Variants in MAST4 observed in about 807,000 individuals in gnomAD.
MAST4 encodes microtubule-associated serine/threonine-protein kinase 4.
A neutral mutation model predicts 162.7 loss-of-function variants in MAST4; 89 were observed. The ratio of observed to expected loss-of-function variants is 0.55; its 90% CI spans 0.46 to 0.65. MAST4 has a LOEUF of 0.65. Among genes scored for constraint, MAST4 ranks in the 30% least tolerant of loss-of-function variants. The pLI is 0.00. For synonymous variants in MAST4, 1,479 were observed against 1,361.1 expected (o/e 1.09, Z -1.91); for missense variants, 3,153 against 3,374.0 (o/e 0.93, Z 1.62).
At chr5:66,741,605 T>C (rs1752479990) in intron 1 of MAST4, among the ~76,000 whole-genome samples, 1 of 152,112 alleles carries the variant, frequency 6.6e-6, no homozygotes, top group Admixed American at 6.5e-5. Context: ...ACAGTGAAGG[T>C]CAGGAATGTA....
At chr5:67,107,434 T>A (rs906166163) in intron 10 of MAST4, among the ~76,000 whole-genome samples, 1 of 152,244 alleles carries the variant, frequency 6.6e-6, no homozygotes, top group Non-Finnish European at 1.5e-5. Flanking sequence ...TGGGCATAAA[T>A]AAGAATGGTT....
chr5:66,727,711 G>T (rs570695962), intron 1 of MAST4, among the ~76,000 whole-genome samples: 1 of 151,808 alleles, frequency 6.6e-6, no homozygotes, highest in Non-Finnish European at 1.5e-5. Flanking sequence ...GAGGGCTATC[G>T]TTTTTTTTCC....
At chr5:66,956,901 A>G (rs556334482) in intron 4 of MAST4, among the ~76,000 whole-genome samples, 299 of 152,248 alleles carry the variant, frequency 2.0e-3, no homozygotes, top group African/African-American at 6.8e-3. Context: ...CCAAGATACA[A>G]TGTATTTTGG....
chr5:66,674,406 A>G (rs1438037377), intron 1 of MAST4, among the ~76,000 whole-genome samples: 1 of 152,246 alleles, frequency 6.6e-6, no homozygotes, highest in African/African-American at 2.4e-5. Flanking sequence ...ATACATGACT[A>G]CTACTTGGAG....
At chr5:66,679,044 G>A (rs1561256686) in intron 1 of MAST4, among the ~76,000 whole-genome samples, 1 of 152,268 alleles carries the variant, frequency 6.6e-6, no homozygotes, top group Admixed American at 6.5e-5. Flanking sequence ...CGCCTGCCTC[G>A]GCCTCCTGAA....
chr5:66,619,725 T>C (rs1743948959), intron 1 of MAST4, among the ~76,000 whole-genome samples: 1 of 152,170 alleles, frequency 6.6e-6, no homozygotes, highest in African/African-American at 2.4e-5. Context: ...TTCAGCATAC[T>C]TCTTTATTTT....
intron 7 of MAST4, among the ~76,000 whole-genome samples, chr5:67,095,986 C>T (rs1156752936): frequency 6.6e-6 from 1 of 151,894 alleles, no homozygotes; most frequent in African/African-American, 2.4e-5. Context: ...AGTTTTATTG[C>T]TTTGGTTCCA....
At chr5:67,149,344 A>G in intron 23 of MAST4, 45 bp from the exon 24 acceptor site, 1 of 1,555,920 alleles carries the variant, frequency 6.4e-7, no homozygotes, top group Middle Eastern at 2.0e-4. Flanking sequence ...CACCTCTCCT[A>G]TCCTGGATTT....
chr5:67,002,337 G>T lies in MAST4; in HGVS notation c.675-52067G>T, dbSNP rs144726901. On this transcript the variant is annotated intron_variant, in intron 4 of 28. Coordinates refer to ENST00000403625, the MANE Select transcript of MAST4 (RefSeq NM_001164664.2). ...TTTCAGTGCATCTTAAGAGAAATAA[G>T]AGATACTTGGGCTTCTGAAGTATCC... Among the ~76,000 whole-genome samples the T allele has an allele frequency of 1.7e-4, 26 of 152,220 alleles. No individual in the cohort carries two copies. In the East Asian group the frequency reaches 3.3e-3, roughly 19 times the overall value.
chr5:66,767,170 C>CGCGTGT (rs1554050619), intron 2 of MAST4, among the ~76,000 whole-genome samples: 10 of 139,482 alleles, frequency 7.2e-5, no homozygotes, highest in Non-Finnish European at 1.5e-4. Context: ...GTAAAGTGCA[C>CGCGTGT]GTGTGTGTGT....
chr5:67,095,903 C>T (rs111226014), intron 7 of MAST4, among the ~76,000 whole-genome samples: 4 of 152,134 alleles, frequency 2.6e-5, no homozygotes, highest in Non-Finnish European at 5.9e-5. Flanking sequence ...GTTCCAGGAT[C>T]ACAAGTTTGG....
chr5:66,992,235 C>A (rs920518495), intron 4 of MAST4, among the ~76,000 whole-genome samples: 4 of 152,114 alleles, frequency 2.6e-5, no homozygotes, highest in African/African-American at 7.2e-5. Flanking sequence ...TCATAATGAT[C>A]ATTTTTGGTG....
At chr5:66,969,943 A>G (rs893682349) in intron 4 of MAST4, among the ~76,000 whole-genome samples, 2 of 152,202 alleles carry the variant, frequency 1.3e-5, no homozygotes, top group African/African-American at 4.8e-5. Context: ...TACAGACACC[A>G]GTTCCTGTGC....
At chr5:66,730,890 C>T (rs896180141) in intron 1 of MAST4, among the ~76,000 whole-genome samples, 2 of 151,952 alleles carry the variant, frequency 1.3e-5, no homozygotes, top group Non-Finnish European at 2.9e-5. Flanking sequence ...GAAAAGAGTA[C>T]TTTACACAAA....
At chr5:66,980,625 C>T (rs1748679317) in intron 4 of MAST4, among the ~76,000 whole-genome samples, 1 of 152,096 alleles carries the variant, frequency 6.6e-6, no homozygotes, top group Admixed American at 6.5e-5. Flanking sequence ...TAAACGAGTC[C>T]TTTTTAGTAT....
At chr5:67,023,994 C>T (rs1754306591) in intron 4 of MAST4, among the ~76,000 whole-genome samples, 1 of 151,812 alleles carries the variant, frequency 6.6e-6, no homozygotes, top group African/African-American at 2.4e-5. Context: ...ATTTACAGTG[C>T]TGTGCAGCCA....
intron 1 of MAST4, among the ~76,000 whole-genome samples, chr5:66,626,142 T>C (rs1744412875): frequency 1.4e-5 from 1 of 70,832 alleles, no homozygotes; most frequent in Non-Finnish European, 3.1e-5. Flanking sequence ...AGTCAAAGGG[T>C]ACAAAGTTTC....
At chr5:66,710,838 T>A (rs990485239) in intron 1 of MAST4, among the ~76,000 whole-genome samples, 1 of 151,470 alleles carries the variant, frequency 6.6e-6, no homozygotes, top group Non-Finnish European at 1.5e-5. Flanking sequence ...TAAAACAACA[T>A]GTAGCTTTTA....
chr5:66,975,929 A>G (rs1381077628), intron 4 of MAST4, among the ~76,000 whole-genome samples: 2 of 152,106 alleles, frequency 1.3e-5, no homozygotes, highest in African/African-American at 2.4e-5. Context: ...CAGGAGGCAG[A>G]TGAGGTTGCA....
Sources: allele counts gnomAD v4.1 joint callset (sites outside exome capture counted in the v4.1 genomes callset), GRCh38; gene constraint gnomAD v4.1.1; transcripts MANE v1.5; gene names NCBI Gene and HGNC (gene_info 2026-07-23, HGNC 2026-07-21).